The following PGBD1 variants were observed in gnomAD, a reference collection of about 807,000 sequenced individuals.
The protein encoded by PGBD1 is piggyBac transposable element-derived protein 1.
Under a neutral mutation model 34.7 loss-of-function variants are expected in PGBD1, and 25 were observed. That is an observed-to-expected ratio of 0.72 (90% confidence interval 0.52 to 1.00). PGBD1 has a LOEUF of 1.00. Ranked by LOEUF, PGBD1 falls within the 50% of genes least tolerant of loss-of-function variation. The pLI, the probability that PGBD1 is intolerant of heterozygous loss-of-function variation, is 0.00. For synonymous variants in PGBD1, 292 were observed against 335.7 expected (o/e 0.87, Z 1.42); for missense variants, 830 against 959.4 (o/e 0.87, Z 1.78).
At chr6:28,284,825 G>T (rs1762239801) in intron 2 of PGBD1, among the ~76,000 whole-genome samples, 1 of 152,134 alleles carries the variant, frequency 6.6e-6, no homozygotes, top group South Asian at 2.1e-4. Context: ...CTGGCTATTC[G>T]GTGTGTATTT....
rs201690431 is a variant in PGBD1, at chr6:28,301,108, C to G, written c.1254C>G (p.Asn418Lys). The part of the protein sequence containing the change: ...GLLNLKSEKL[N>K]PVELFELFFD... ...TGAATCTCAAGAGCGAAAAGTTGAA[C>G]CCAGTAGAGCTTTTTGAATTATTTT... The change falls in exon 7 of 7, where the codon AAC (asparagine) becomes AAG (lysine). Residue 418 changes from asparagine to lysine, a missense_variant. Asn to Lys is a moderately conservative substitution (Grantham distance 94, BLOSUM62 0). Transcript: ENST00000682144. 1 of 1,614,078 alleles carries G rather than the reference C, an allele frequency of 6.2e-7. No homozygotes were observed. The highest frequency in any genetic ancestry group is 2.2e-5 in the East Asian group (1 of 44,888).
intron 2 of PGBD1, among the ~76,000 whole-genome samples, chr6:28,285,334 C>T (rs768998956): frequency 4.6e-5 from 7 of 152,264 alleles, no homozygotes; most frequent in Non-Finnish European, 1.0e-4. Context: ...CTGTGGGAGA[C>T]ATTTTGAGGT....
chr6:28,290,648 C>T (rs1230565505), intron 4 of PGBD1, among the ~76,000 whole-genome samples: 1 of 152,136 alleles, frequency 6.6e-6, no homozygotes, highest in East Asian at 1.9e-4. Flanking sequence ...CTACAGAATG[C>T]ACATTCTTTT....
intron 6 of PGBD1, 132 bp downstream of exon 6, chr6:28,298,123 C>A: frequency 1.4e-6 from 1 of 700,398 alleles, no homozygotes; most frequent in South Asian, 1.7e-5. Context: ...CTTCTGTGAT[C>A]ATAGGAGGTC....
Position 28,300,615 on chromosome 6 carries a change from C to A in PGBD1, c.870-109C>A. On this transcript the variant is annotated intron_variant, in intron 6 of 6. Transcript: ENST00000682144. This position sits in a 1 kb window ranked among gnomAD's most constrained non-coding sequence, Gnocchi z 4.0. Reference sequence around the variant, plus strand: ...AAACTTAAGAGAAATAAGTAAGTATCCCCCCACACCCACCCCAAGCCCCAA... The same window carrying A: ...AAACTTAAGAGAAATAAGTAAGTATACCCCCACACCCACCCCAAGCCCCAA... 3.2e-6 allele frequency: 4 copies of A among 1,230,988 alleles called. No homozygotes were observed. Among genetic ancestry groups the A allele is most frequent in the Non-Finnish European group, 4.4e-6 (4 of 898,962 alleles). The allele number at this position is 1,230,988 out of a possible 1,614,324, so 76.3% of individuals were successfully genotyped here.
rs746702122 is a variant in PGBD1 at position 28,301,112 on chromosome 6, G to C, written c.1258G>C (p.Val420Leu). 6.2e-7 allele frequency: 1 copy of C among 1,614,180 alleles called. No homozygotes were observed. The highest frequency in any genetic ancestry group is 8.5e-7 in the Non-Finnish European group (1 of 1,180,038). The change falls in exon 7 of 7, where the codon GTA (valine) becomes CTA (leucine). Residue 420 changes from valine to leucine, a missense_variant. Physicochemically the swap from Val to Leu is conservative, Grantham distance 32. Transcript: ENST00000682144. ...LNLKSEKLNP[V>L]ELFELFFDDE... ...TCTCAAGAGCGAAAAGTTGAACCCAGTAGAGCTTTTTGAATTATTTTTTGA... is the reference window on the plus strand; with the variant it reads ...TCTCAAGAGCGAAAAGTTGAACCCACTAGAGCTTTTTGAATTATTTTTTGA...
At chr6:28,287,988 T>C (rs1027378305) in intron 4 of PGBD1, among the ~76,000 whole-genome samples, 7 of 152,228 alleles carry the variant, frequency 4.6e-5, no homozygotes, top group South Asian at 2.1e-4. Flanking sequence ...AAGTGCTTGA[T>C]GTGATTATAA....
At position 28,285,716 on chromosome 6, in the gene PGBD1, T is replaced by A; in HGVS notation, c.553+9T>A. Reference sequence around the variant, plus strand: ...CCCCCAAGAAGTGAGTGGTGAGTGCTCGAGTGAGTTTAGTGAGGACGCTGG... The same window carrying A: ...CCCCCAAGAAGTGAGTGGTGAGTGCACGAGTGAGTTTAGTGAGGACGCTGG... On this transcript the variant is annotated intron_variant, in intron 3 of 6. Transcript: ENST00000682144. The A allele has an allele frequency of 6.2e-7, 1 of 1,611,468 alleles. No homozygotes were observed.
In PGBD1 at chr6:28,301,852, G is replaced by GA. The variant is rs781166611; in HGVS notation, c.2005dup (p.Met669AsnfsTer7). 6.2e-7 allele frequency: 1 copy of GA among 1,613,766 alleles called. No individual in the cohort carries two copies. The highest frequency in any genetic ancestry group is 8.5e-7 in the Non-Finnish European group (1 of 1,179,956). On this transcript the variant is annotated frameshift_variant, in exon 7 of 7. Transcript: ENST00000682144. LOFTEE classifies it low-confidence loss of function (END_TRUNC). ...GTCCCCTTATGAATGTAGAACATAT[G>GA]AAAAAAATGAAGAGAGGGTATTTTG... is the stretch of plus-strand genomic sequence containing the variant.
chr6:28,292,214 T>G (rs1762478820), intron 4 of PGBD1, among the ~76,000 whole-genome samples: 2 of 152,168 alleles, frequency 1.3e-5, no homozygotes, highest in African/African-American at 4.8e-5. Context: ...TTAGTGCTGA[T>G]AAACAAACTA....
intron 4 of PGBD1, among the ~76,000 whole-genome samples, chr6:28,295,599 ACT>A (rs1322003371): frequency 1.3e-5 from 2 of 152,076 alleles, no homozygotes; most frequent in Non-Finnish European, 2.9e-5. Context: ...AAAGATCACA[ACT>A]CTCTGAAGGC....
rs113110201 is a variant in PGBD1 at position 28,284,277 on chromosome 6, G to A, written c.396+68G>A. ...GGACATGTATCGGTTTATTTTTAAC[G>A]TTTTATTTTGAAATAACTCCTAATT... is the stretch of plus-strand genomic sequence containing the variant. On this transcript the variant is annotated intron_variant, in intron 2 of 6. Transcript: ENST00000682144. 2,040 of 1,412,244 alleles carry A rather than the reference G, an allele frequency of 1.4e-3. 24 individuals carry two copies. The African/African-American group carries it at 0.026, about 18-fold the overall frequency. 87.5% of individuals were successfully genotyped at this position (1,412,244 alleles called of 1,614,324 possible).
chr6:28,292,031 T>C (rs1400225224), intron 4 of PGBD1, among the ~76,000 whole-genome samples: 1 of 152,130 alleles, frequency 6.6e-6, no homozygotes, highest in Admixed American at 6.5e-5. Context: ...AAGATAAGAA[T>C]GCCCATCTCA....
chr6:28,301,623 C>G lies in PGBD1; in HGVS notation c.1769C>G (p.Ser590Ter). 6.2e-7 allele frequency: 1 copy of G among 1,614,112 alleles called. No individual in the cohort carries two copies. The highest frequency in any genetic ancestry group is 8.5e-7 in the Non-Finnish European group (1 of 1,180,010). ...TGGTTTGAACCCTATCAAGAAGAAT[C>G]AACTATGAAGGTAGATGAGGATCCT... The part of the protein sequence containing the change: ...LVWFEPYQEE[S>*]TMKVDEDPDL... The change falls in exon 7 of 7, where the codon TCA becomes TGA. Residue 590 changes from serine to a stop codon, truncating the protein, a stop_gained. Transcript: ENST00000682144. LOFTEE classifies it low-confidence loss of function (END_TRUNC).
rs1762134347 is a variant in PGBD1, at chr6:28,281,684, T to A, written c.-273T>A. On this transcript the variant is annotated 5_prime_UTR_variant, in exon 1 of 7. Coordinates refer to ENST00000682144, the MANE Select transcript of PGBD1 (RefSeq NM_032507.4). ...ACAGGGGAGCACCGGGCCTCTGAGC[T>A]CCCTCGGGAGCCTTTCACGAGGTCA... The A allele has an allele frequency of 2.9e-6, 1 of 341,460 alleles. No individual in the cohort carries two copies. Among genetic ancestry groups the A allele is most frequent in the Admixed American group, 4.8e-5 (1 of 20,932 alleles). 21.2% of individuals were successfully genotyped at this position (341,460 alleles called of 1,614,324 possible). A position where few individuals can be genotyped will look rare whatever the true frequency, so the allele number is the denominator to read the frequency against.
Position 28,296,822 on chromosome 6 carries a change from G to C in PGBD1, c.649G>C (p.Val217Leu), listed in dbSNP as rs201464950. The part of the protein sequence containing the change: ...VFNPVRSQTL[V>L]KTEEETAQAV... Reference sequence around the variant, plus strand: ...TCTTTTTTTGTCTTTTTAGACATTGGTGAAGACTGAGGAAGAAACAGCCCA... The same window carrying C: ...TCTTTTTTTGTCTTTTTAGACATTGCTGAAGACTGAGGAAGAAACAGCCCA... The change falls in exon 5 of 7, where the codon GTG (valine) becomes CTG (leucine). Residue 217 changes from valine to leucine, a missense_variant. Coordinates refer to ENST00000682144, the MANE Select transcript of PGBD1 (RefSeq NM_032507.4). 2.5e-6 allele frequency: 4 copies of C among 1,614,014 alleles called. No individual in the cohort carries two copies. Among genetic ancestry groups the C allele is most frequent in the Non-Finnish European group, 3.4e-6 (4 of 1,179,960 alleles).
chr6:28,292,040 C>T (rs767296221), intron 4 of PGBD1, among the ~76,000 whole-genome samples: 1 of 152,162 alleles, frequency 6.6e-6, no homozygotes, highest in Non-Finnish European at 1.5e-5. Context: ...ATGCCCATCT[C>T]ACCACTGTTG....
intron 6 of PGBD1, among the ~76,000 whole-genome samples, chr6:28,299,721 A>G (rs1581640637): frequency 6.6e-6 from 1 of 152,162 alleles, no homozygotes. Context: ...AATACTTTTC[A>G]GTTGGGTGCA....
rs936837623 is a variant in PGBD1, at chr6:28,281,614, C to CCCG, written c.-340_-338dup. 1.0e-5 allele frequency: 4 copies of CCCG among 382,474 alleles called. No individual in the cohort carries two copies. Among genetic ancestry groups the CCCG allele is most frequent in the Non-Finnish European group, 1.8e-5 (4 of 216,734 alleles). The allele number at this position is 382,474 out of a possible 1,614,324, so 23.7% of individuals were successfully genotyped here. On this transcript the variant is annotated 5_prime_UTR_variant, in exon 1 of 7. Transcript: ENST00000682144. ...GGAGGCGCCGGCAGCGCCCGCCAGA[C>CCCG]CCGCCAGCCCAGCGGCCCGGGCTCT...
Sources: gnomAD v4.1 joint callset for allele counts (sites outside exome capture counted in the v4.1 genomes callset) on GRCh38, gnomAD v4.1.1 for gene constraint, Gnocchi (gnomAD v3.1) non-coding constraint, MANE v1.5 for transcripts, NCBI Gene and HGNC (gene_info 2026-07-23, HGNC 2026-07-21) for gene names.